Variants in PRICKLE1 observed in about 807,000 individuals in gnomAD.
PRICKLE1 encodes the protein prickle-like protein 1.
PRICKLE1 carries 14 observed loss-of-function variants against 70.2 expected under a neutral mutation model. The ratio of observed to expected loss-of-function variants is 0.20; its 90% CI spans 0.13 to 0.31. PRICKLE1 has a LOEUF of 0.31. Among genes scored for constraint, PRICKLE1 ranks in the 10% least tolerant of loss-of-function variants. The pLI is 1.00. For missense variants in PRICKLE1, 821 were observed against 1,026.2 expected (o/e 0.80, Z 2.73); for synonymous variants, 357 against 379.9 (o/e 0.94, Z 0.70).
Position 42,459,920 on chromosome 12 carries a change from T to A in PRICKLE1, c.2385A>T (p.Thr795=), listed in dbSNP as rs748585713. 1.9e-6 allele frequency: 3 copies of A among 1,614,172 alleles called. No homozygotes were observed. In the East Asian group the frequency reaches 6.7e-5, roughly 36 times the overall value. Residue 795 remains threonine (T), a synonymous_variant, in exon 8 of 8, where the codon ACA becomes ACT. Coordinates refer to ENST00000345127, the MANE Select transcript of PRICKLE1 (RefSeq NM_153026.3). ...QPRPQRFAYY[T]DDLSSPPSAL... ...CAGATGGTGGACTAGAAAGGTCATCTGTATAGTAGGCAAATCTCTGTGGCC... is the reference window on the plus strand; with the variant it reads ...CAGATGGTGGACTAGAAAGGTCATCAGTATAGTAGGCAAATCTCTGTGGCC...
At chr12:42,570,611 G>C (rs1249407939) in intron 1 of PRICKLE1, among the ~76,000 whole-genome samples, 1 of 152,104 alleles carries the variant, frequency 6.6e-6, no homozygotes, top group Non-Finnish European at 1.5e-5. Context: ...CCAGACGTCG[G>C]GAGTTCGAGA....
intron 1 of PRICKLE1, chr12:42,550,417 C>A (rs1475533592): frequency 6.6e-6 from 1 of 152,076 alleles, no homozygotes; most frequent in African/African-American, 2.4e-5. Context: ...TGGTTAAAAC[C>A]AAGAAGTTTG....
At chr12:42,528,051 G>A (rs1366254799) in intron 1 of PRICKLE1, among the ~76,000 whole-genome samples, 1 of 149,652 alleles carries the variant, frequency 6.7e-6, no homozygotes, top group African/African-American at 2.5e-5. Flanking sequence ...AATTTACATG[G>A]TAAAGCTAAC....
rs189544556 is a variant in PRICKLE1 at position 42,581,215 on chromosome 12, T to A, written c.-49+8250A>T. Among the ~76,000 whole-genome samples, 15 of 152,338 alleles carry A rather than the reference T, an allele frequency of 9.8e-5. No individual in the cohort carries two copies. In the East Asian group the frequency reaches 2.5e-3, roughly 25 times the overall value. On this transcript the variant is annotated intron_variant, in intron 1 of 7. Coordinates refer to ENST00000345127, the MANE Select transcript of PRICKLE1 (RefSeq NM_153026.3). ...ATCCTTTGATTAATATACACTGATCTAGTCTAATTCCCTCATTTTATATAT... is the reference window on the plus strand; with the variant it reads ...ATCCTTTGATTAATATACACTGATCAAGTCTAATTCCCTCATTTTATATAT...
chr12:42,508,650 C>T (rs1358243167), intron 1 of PRICKLE1, among the ~76,000 whole-genome samples: 1 of 152,102 alleles, frequency 6.6e-6, no homozygotes, highest in Non-Finnish European at 1.5e-5. Context: ...AGGTTGAACA[C>T]ATAGAAAGTA....
In PRICKLE1 at chr12:42,567,336, AGAC is replaced by A. The variant is rs1940636612; in HGVS notation, c.-49+22126_-49+22128del. ...TGTACTTTGTGAACTTGTTTTATGA[AGAC>A]TACTACAGTACAGTCTGCTATAGAA... On this transcript the variant is annotated intron_variant, in intron 1 of 7. Coordinates refer to ENST00000345127, the MANE Select transcript of PRICKLE1 (RefSeq NM_153026.3). Among the ~76,000 whole-genome samples the A allele has an allele frequency of 3.9e-5, 6 of 152,350 alleles. No individual in the cohort carries two copies. In the South Asian group the frequency reaches 6.2e-4, roughly 16 times the overall value.
chr12:42,483,230 G>C (rs1938868425), intron 1 of PRICKLE1: 1 of 152,452 alleles, frequency 6.6e-6, no homozygotes, highest in Non-Finnish European at 1.5e-5. Context: ...CGGCTGGACG[G>C]TGGGGCCGAG....
chr12:42,486,392 GT>G (rs1320947067), intron 1 of PRICKLE1, among the ~76,000 whole-genome samples: 4 of 152,172 alleles, frequency 2.6e-5, no homozygotes, highest in African/African-American at 9.7e-5. Flanking sequence ...ATAAACATGA[GT>G]TAAGTGAATG....
intron 1 of PRICKLE1, among the ~76,000 whole-genome samples, chr12:42,534,954 T>C (rs1324334992): frequency 6.6e-6 from 1 of 152,224 alleles, no homozygotes; most frequent in Non-Finnish European, 1.5e-5. Context: ...TTTCCTTTTC[T>C]CTAATAAAAA....
intron 1 of PRICKLE1, among the ~76,000 whole-genome samples, chr12:42,525,239 G>A (rs568305114): frequency 4.6e-5 from 7 of 152,294 alleles, no homozygotes; most frequent in South Asian, 2.1e-4. Flanking sequence ...GTAGAGCATC[G>A]AAGCTCCATT....
rs566867606 is a variant in PRICKLE1 at position 42,550,875 on chromosome 12, C to A, written c.-49+38590G>T. Among the ~76,000 whole-genome samples, 96 of 152,312 alleles carry A rather than the reference C, an allele frequency of 6.3e-4. 2 individuals carry two copies. Among genetic ancestry groups the A allele is most frequent in the African/African-American group, 2.1e-3 (86 of 41,574 alleles). On this transcript the variant is annotated intron_variant, in intron 1 of 7. Coordinates refer to ENST00000345127, the MANE Select transcript of PRICKLE1 (RefSeq NM_153026.3). ...ATACCTTGACTAACAGGGTGACACA[C>A]AGATTCCTGCCTGAAGTACTAGGGC... is the stretch of plus-strand genomic sequence containing the variant.
At chr12:42,558,669 T>TA (rs1387758869) in intron 1 of PRICKLE1, among the ~76,000 whole-genome samples, 1 of 152,246 alleles carries the variant, frequency 6.6e-6, no homozygotes, top group Non-Finnish European at 1.5e-5. Flanking sequence ...CACTTTCTTT[T>TA]AAAAGTCTTC....
chr12:42,471,852 AT>A (rs1185957666), intron 2 of PRICKLE1, among the ~76,000 whole-genome samples: 2 of 152,070 alleles, frequency 1.3e-5, no homozygotes, highest in African/African-American at 2.4e-5. Flanking sequence ...TAACTCTTTA[AT>A]TTTTTTTCCA....
chr12:42,530,031 C>T (rs1939883178), intron 1 of PRICKLE1, among the ~76,000 whole-genome samples: 1 of 151,686 alleles, frequency 6.6e-6, no homozygotes, highest in Non-Finnish European at 1.5e-5. Context: ...CTGCAACCTC[C>T]ACCCCAGGTT....
intron 1 of PRICKLE1, among the ~76,000 whole-genome samples, chr12:42,515,725 A>G (rs1939600162): frequency 1.3e-5 from 2 of 152,220 alleles, no homozygotes; most frequent in South Asian, 2.1e-4. Flanking sequence ...CTGCTCTGCT[A>G]TCCTCTGGCT....
At chr12:42,479,011 G>T in intron 1 of PRICKLE1, among the ~76,000 whole-genome samples, 1 of 152,112 alleles carries the variant, frequency 6.6e-6, no homozygotes, top group East Asian at 1.9e-4. Context: ...TGTCTTCAAA[G>T]CTTTGACAAG....
At chr12:42,587,359 T>C (rs903101092) in intron 1 of PRICKLE1, among the ~76,000 whole-genome samples, 1 of 152,118 alleles carries the variant, frequency 6.6e-6, no homozygotes, top group Admixed American at 6.5e-5. Flanking sequence ...TTTTCCTTCC[T>C]TCCTTCCTTT....
At chr12:42,486,633 C>T (rs916134918) in intron 1 of PRICKLE1, among the ~76,000 whole-genome samples, 6 of 152,200 alleles carry the variant, frequency 3.9e-5, no homozygotes, top group South Asian at 2.1e-4. Flanking sequence ...CAGTACAAAG[C>T]CAACTTTGGC....
chr12:42,579,647 G>A lies in PRICKLE1; in HGVS notation c.-49+9818C>T, dbSNP rs556068647. Among the ~76,000 whole-genome samples, 21 of 152,306 alleles carry A rather than the reference G, an allele frequency of 1.4e-4. No homozygotes were observed. The South Asian group carries it at 4.3e-3, about 32-fold the overall frequency. On this transcript the variant is annotated intron_variant, in intron 1 of 7. Transcript: ENST00000345127. ...GGCAGAGGGCATATGGTAGGAAGAA[G>A]GTGCTAAAGCTAGCTGATTTTGCCA...
Sources: gnomAD v4.1 joint callset for allele counts (sites outside exome capture counted in the v4.1 genomes callset) on GRCh38, gnomAD v4.1.1 for gene constraint, MANE v1.5 for transcripts, NCBI Gene and HGNC (gene_info 2026-07-23, HGNC 2026-07-21) for gene names.